PTPRD: variants seen among roughly 807,000 people sequenced by gnomAD.
PTPRD encodes receptor-type tyrosine-protein phosphatase delta.
Under a neutral mutation model 214.5 loss-of-function variants are expected in PTPRD, and 34 were observed. The ratio of observed to expected loss-of-function variants is 0.16; its 90% CI spans 0.12 to 0.21. The LOEUF is 0.21. Ranked by LOEUF, PTPRD falls within the 10% of genes least tolerant of loss-of-function variation. The pLI is 1.00. For missense variants in PTPRD, 2,545 were observed against 2,398.7 expected, an observed-to-expected ratio of 1.06 and a Z score of -1.27; for synonymous variants, 1,128 against 845.7, an observed-to-expected ratio of 1.33 and a Z score of -5.79.
At chr9:9,371,862 C>T (rs1361347767) in intron 9 of PTPRD, among the ~76,000 whole-genome samples, 9 of 152,090 alleles carry the variant, frequency 5.9e-5, no homozygotes, top group Admixed American at 1.3e-4. Flanking sequence ...GTCTTCATTT[C>T]GTTATGTACC....
At chr9:8,499,162 G>T (rs1234926657) in intron 25 of PTPRD, among the ~76,000 whole-genome samples, 1 of 152,088 alleles carries the variant, frequency 6.6e-6, no homozygotes, top group East Asian at 1.9e-4. Context: ...TATGTAATTT[G>T]ATGAAGAAGT....
At chr9:9,157,558 T>C (rs972929911) in intron 10 of PTPRD, among the ~76,000 whole-genome samples, 3 of 152,126 alleles carry the variant, frequency 2.0e-5, no homozygotes, top group Admixed American at 6.6e-5. Flanking sequence ...CCTACCAAGA[T>C]TGAATTATGA....
chr9:10,374,180 C>G (rs2097684232), intron 2 of PTPRD, among the ~76,000 whole-genome samples: 1 of 152,002 alleles, frequency 6.6e-6, no homozygotes, highest in South Asian at 2.1e-4. Context: ...AAAAAATTTC[C>G]CTTTCTGGTC....
At chr9:10,011,295 T>C (rs1250062641) in intron 4 of PTPRD, among the ~76,000 whole-genome samples, 1 of 151,984 alleles carries the variant, frequency 6.6e-6, no homozygotes, top group African/African-American at 2.4e-5. Context: ...TATTGGTGGG[T>C]TGGATTGAAT....
intron 39 of PTPRD, among the ~76,000 whole-genome samples, chr9:8,358,802 A>G (rs968528066): frequency 1.3e-5 from 2 of 151,990 alleles, no homozygotes; most frequent in Non-Finnish European, 2.9e-5. Flanking sequence ...TCTGGTTTAA[A>G]TCCTCTCAGG....
chr9:10,150,762 C>T (rs991115713), intron 3 of PTPRD, among the ~76,000 whole-genome samples: 1 of 151,154 alleles, frequency 6.6e-6, no homozygotes, highest in African/African-American at 2.4e-5. Flanking sequence ...GCATGGAGTA[C>T]AAGGTTTTAA....
chr9:9,315,274 A>G (rs1962062460), intron 9 of PTPRD, among the ~76,000 whole-genome samples: 1 of 151,958 alleles, frequency 6.6e-6, no homozygotes, highest in South Asian at 2.1e-4. Flanking sequence ...TTTGATATAC[A>G]GCTAAATTAA....
rs554755184 is a variant in PTPRD, at chr9:10,499,861, C to T, written c.-600+112537G>A. On this transcript the variant is annotated intron_variant, in intron 2 of 45. Coordinates refer to ENST00000381196, the MANE Select transcript of PTPRD (RefSeq NM_002839.4). Reference sequence around the variant, plus strand: ...TTTTATTTTTCAAGTAGTTATCCTACCAGGTTATAGATATATCTTTTTAAA... The same window carrying T: ...TTTTATTTTTCAAGTAGTTATCCTATCAGGTTATAGATATATCTTTTTAAA... Among the ~76,000 whole-genome samples the T allele has an allele frequency of 2.0e-5, 3 of 151,806 alleles. No individual in the cohort carries two copies. In the East Asian group the frequency reaches 5.8e-4, roughly 29 times the overall value.
chr9:8,609,740 C>T (rs1440923381), intron 14 of PTPRD, among the ~76,000 whole-genome samples: 1 of 151,924 alleles, frequency 6.6e-6, no homozygotes, highest in Non-Finnish European at 1.5e-5. Context: ...ACTAAATTAC[C>T]CTGCAATAAA....
intron 5 of PTPRD, among the ~76,000 whole-genome samples, chr9:9,865,454 G>C (rs1351657279): frequency 6.6e-6 from 1 of 152,140 alleles, no homozygotes; most frequent in Middle Eastern, 3.2e-3. Flanking sequence ...AGCGTGCTCA[G>C]CCCCTTTGCC....
chr9:10,070,453 C>T (rs2097982341), intron 3 of PTPRD, among the ~76,000 whole-genome samples: 1 of 151,842 alleles, frequency 6.6e-6, no homozygotes, highest in Non-Finnish European at 1.5e-5. Context: ...TAATATTTAG[C>T]ACAATAATTT....
At chr9:10,229,902 T>C (rs10958962) in intron 3 of PTPRD, among the ~76,000 whole-genome samples, 33,030 of 151,778 alleles carry the variant, frequency 0.22, 3,831 homozygotes, top group Non-Finnish European at 0.26. Flanking sequence ...AAGACAAAGA[T>C]CCTTTTTAAT....
At chr9:8,443,374 A>G (rs140098399) in intron 34 of PTPRD, among the ~76,000 whole-genome samples, 38 of 152,374 alleles carry the variant, frequency 2.5e-4, no homozygotes, top group East Asian at 2.3e-3. Context: ...CATTGATCCA[A>G]TTAATAGTAT....
At chr9:8,800,275 A>C (rs974570304) in intron 11 of PTPRD, among the ~76,000 whole-genome samples, 1 of 152,094 alleles carries the variant, frequency 6.6e-6, no homozygotes, top group Non-Finnish European at 1.5e-5. Flanking sequence ...ATTTGACATC[A>C]TGTCAGCCAT....
intron 35 of PTPRD, among the ~76,000 whole-genome samples, chr9:8,433,006 T>C (rs1330978679): frequency 1.3e-5 from 2 of 152,224 alleles, no homozygotes; most frequent in Non-Finnish European, 2.9e-5. Context: ...ACATGTAGCA[T>C]TTCTTGAAAA....
chr9:10,420,645 C>T (rs1374878618), intron 2 of PTPRD, among the ~76,000 whole-genome samples: 4 of 151,744 alleles, frequency 2.6e-5, no homozygotes, highest in African/African-American at 7.3e-5. Flanking sequence ...TTTCTTATAC[C>T]GAATTCTCAA....
intron 2 of PTPRD, among the ~76,000 whole-genome samples, chr9:10,536,599 C>G (rs1414135714): frequency 2.0e-5 from 3 of 152,086 alleles, no homozygotes; most frequent in Non-Finnish European, 4.4e-5. Context: ...AATGTGCTTT[C>G]TGGTTATGTT....
chr9:9,175,949 A>C (rs2099924574), intron 10 of PTPRD, among the ~76,000 whole-genome samples: 1 of 152,192 alleles, frequency 6.6e-6, no homozygotes, highest in African/African-American at 2.4e-5. Context: ...AAAGTCTTTT[A>C]TATATCACTC....
intron 7 of PTPRD, among the ~76,000 whole-genome samples, chr9:9,613,690 T>C (rs746107600): frequency 6.6e-6 from 1 of 152,190 alleles, no homozygotes; most frequent in Non-Finnish European, 1.5e-5. Flanking sequence ...ACAGTAAGTA[T>C]GGTTCATGGA....
Sources: allele counts gnomAD v4.1 joint callset (sites outside exome capture counted in the v4.1 genomes callset), GRCh38; gene constraint gnomAD v4.1.1; transcripts MANE v1.5; gene names NCBI Gene and HGNC (gene_info 2026-07-23, HGNC 2026-07-21).